The following CEP112 variants were observed in gnomAD, a reference collection of about 807,000 sequenced individuals.
CEP112 encodes centrosomal protein 112.
CEP112 carries 127 observed loss-of-function variants against 153.0 expected under a neutral mutation model. That is an observed-to-expected ratio of 0.83 (90% confidence interval 0.72 to 0.96). CEP112 has a LOEUF of 0.96. Among genes scored for constraint, CEP112 ranks in the 40% least tolerant of loss-of-function variants. CEP112 has a pLI of 0.00. For synonymous variants in CEP112, 358 were observed against 374.4 expected, an observed-to-expected ratio of 0.96 and a Z score of 0.51; for missense variants, 1,089 against 1,101.2, an observed-to-expected ratio of 0.99 and a Z score of 0.16.
intron 23 of CEP112, among the ~76,000 whole-genome samples, chr17:65,723,907 C>A (rs2050031657): frequency 6.6e-6 from 1 of 152,194 alleles, no homozygotes; most frequent in African/African-American, 2.4e-5. Flanking sequence ...ATCTGTTACT[C>A]TGAAATATTT....
In CEP112 at chr17:65,949,269, T is replaced by A. The variant is rs79687207; in HGVS notation, c.1872+12194A>T. Among the ~76,000 whole-genome samples the A allele has an allele frequency of 5.6e-4, 85 of 152,354 alleles. No homozygotes were observed. The East Asian group carries it at 0.011, about 20-fold the overall frequency. ...TTATGTTCTAAATGGGGTCCCTTGT[T>A]ACTACACTCACACCAAAGGTGCTTT... On this transcript the variant is annotated intron_variant, in intron 18 of 26. Transcript: ENST00000535342.
At chr17:65,689,017 C>A in intron 24 of CEP112, 112 bp downstream of exon 24, 1 of 708,332 alleles carries the variant, frequency 1.4e-6, no homozygotes, top group Admixed American at 2.3e-5. Context: ...ATCCACCCAC[C>A]TCGGCCTCCC....
At chr17:65,926,237 T>G (rs2144157602) in intron 19 of CEP112, among the ~76,000 whole-genome samples, 1 of 152,290 alleles carries the variant, frequency 6.6e-6, no homozygotes, top group South Asian at 2.1e-4. Context: ...CTCAGGATTT[T>G]TGAACGTGCA....
intron 21 of CEP112, among the ~76,000 whole-genome samples, chr17:65,787,084 G>A (rs535940238): frequency 6.6e-6 from 1 of 152,266 alleles, no homozygotes; most frequent in African/African-American, 2.4e-5. Flanking sequence ...TTGTACCAGT[G>A]CCAAACTACT....
At chr17:66,123,474 A>T (rs2069694182) in intron 6 of CEP112, among the ~76,000 whole-genome samples, 1 of 152,232 alleles carries the variant, frequency 6.6e-6, no homozygotes, top group African/African-American at 2.4e-5. Flanking sequence ...TTGAAGTGCC[A>T]AAAACTCTTG....
chr17:65,812,153 G>T (rs111622900), intron 21 of CEP112, among the ~76,000 whole-genome samples: 1 of 151,876 alleles, frequency 6.6e-6, no homozygotes, highest in African/African-American at 2.4e-5. Flanking sequence ...ACAGGCGCCC[G>T]CCACCACGCC....
At chr17:65,652,185 G>A (rs777872877) in intron 24 of CEP112, among the ~76,000 whole-genome samples, 2 of 152,160 alleles carry the variant, frequency 1.3e-5, no homozygotes, top group Non-Finnish European at 2.9e-5. Context: ...GAGCCATCTA[G>A]TAGAAAAGGA....
At chr17:65,848,417 C>T (rs1201685200) in intron 21 of CEP112, among the ~76,000 whole-genome samples, 13 of 152,114 alleles carry the variant, frequency 8.5e-5, no homozygotes, top group Non-Finnish European at 1.8e-4. Flanking sequence ...TAGTCTTTTC[C>T]TCTATTTCCA....
rs56228164 is a variant in CEP112 at position 65,830,134 on chromosome 17, G to A, written c.2394+21670C>T. ...GGATCAAAAGATTTATACAGGCAAA[G>A]ACTGGGAGTGGCATCAGCAAGATGG... On this transcript the variant is annotated intron_variant, in intron 21 of 26. Transcript: ENST00000535342. Among the ~76,000 whole-genome samples the A allele has an allele frequency of 7.9e-3, 1,208 of 152,306 alleles. 11 individuals are homozygous for A. Among genetic ancestry groups the A allele is most frequent in the South Asian group, 0.02 (96 of 4,830 alleles).
intron 4 of CEP112, among the ~76,000 whole-genome samples, chr17:66,138,608 C>A (rs147115486): frequency 4.0e-5 from 6 of 151,830 alleles, no homozygotes; most frequent in Non-Finnish European, 7.4e-5. Context: ...TTAATGCAAT[C>A]GAAGTTATCA....
At chr17:66,048,470 A>C (rs1231839685) in intron 12 of CEP112, among the ~76,000 whole-genome samples, 1 of 152,246 alleles carries the variant, frequency 6.6e-6, no homozygotes. Flanking sequence ...ATCCTGCATT[A>C]GTCACAAAAA....
At chr17:66,159,920 A>T (rs2071622509) in intron 4 of CEP112, among the ~76,000 whole-genome samples, 1 of 151,226 alleles carries the variant, frequency 6.6e-6, no homozygotes, top group African/African-American at 2.4e-5. Flanking sequence ...TGTCTCTGAC[A>T]TGACTGTATA....
chr17:65,843,775 C>T (rs145727398), intron 21 of CEP112, among the ~76,000 whole-genome samples: 3 of 152,162 alleles, frequency 2.0e-5, no homozygotes, highest in Admixed American at 2.0e-4. Context: ...GAGCCTTTTA[C>T]TGAGTAGAGC....
At chr17:65,919,341 TC>T (rs2060617886) in intron 19 of CEP112, among the ~76,000 whole-genome samples, 1 of 151,910 alleles carries the variant, frequency 6.6e-6, no homozygotes, top group Non-Finnish European at 1.5e-5. Flanking sequence ...TTGCTCACAC[TC>T]CCCCGGGGAT....
At chr17:65,729,184 TG>T (rs1177871011) in intron 23 of CEP112, among the ~76,000 whole-genome samples, 1 of 152,188 alleles carries the variant, frequency 6.6e-6, no homozygotes, top group African/African-American at 2.4e-5. Context: ...TTAAGCTTTT[TG>T]TTAAAAATAA....
chr17:65,950,805 A>G (rs1366899350), intron 18 of CEP112, among the ~76,000 whole-genome samples: 1 of 152,048 alleles, frequency 6.6e-6, no homozygotes, highest in Non-Finnish European at 1.5e-5. Flanking sequence ...AAAAGCAGAC[A>G]TCTTTGCCTT....
intron 21 of CEP112, among the ~76,000 whole-genome samples, chr17:65,796,922 T>G (rs1013361312): frequency 6.8e-6 from 1 of 147,664 alleles, no homozygotes; most frequent in East Asian, 2.0e-4. Context: ...GGCTTGGTGG[T>G]GCACACCTGT....
chr17:65,746,725 A>G (rs2051495773), intron 22 of CEP112, among the ~76,000 whole-genome samples: 1 of 152,180 alleles, frequency 6.6e-6, no homozygotes, highest in South Asian at 2.1e-4. Context: ...TTGAATTCAG[A>G]TAACCTACCC....
At chr17:65,928,756 C>T (rs1044530932) in intron 18 of CEP112, among the ~76,000 whole-genome samples, 1 of 152,138 alleles carries the variant, frequency 6.6e-6, no homozygotes. Flanking sequence ...CTCAGCTATT[C>T]GAGAGGCTAA....
Sources: gnomAD v4.1 joint callset for allele counts (sites outside exome capture counted in the v4.1 genomes callset) on GRCh38, gnomAD v4.1.1 for gene constraint, MANE v1.5 for transcripts, NCBI Gene and HGNC (gene_info 2026-07-23, HGNC 2026-07-21) for gene names.